ARHGAP8: variants seen among roughly 807,000 people sequenced by gnomAD.
ARHGAP8 encodes Rho GTPase activating protein 8.
In ARHGAP8, 62 loss-of-function variants were observed where a neutral mutation model predicts 46.1. The ratio of observed to expected loss-of-function variants is 1.34; its 90% CI spans 1.10 to 1.66. ARHGAP8 has a LOEUF of 1.66. Among genes scored for constraint, ARHGAP8 ranks in the 40% most tolerant of loss-of-function variants. ARHGAP8 has a pLI of 0.00. For synonymous variants in ARHGAP8, 375 were observed against 243.1 expected, an observed-to-expected ratio of 1.54 and a Z score of -5.05; for missense variants, 923 against 568.4, an observed-to-expected ratio of 1.62 and a Z score of -6.34.
At chr22:44,848,857 G>C (rs200211595) in intron 9 of ARHGAP8, 75 bp from the exon 10 acceptor site, 199 of 1,595,824 alleles carry the variant, frequency 1.2e-4, no homozygotes, top group East Asian at 2.2e-4. Context: ...CACGCCCTGT[G>C]TCTCAGAGCT....
chr22:44,796,228 C>G (rs1928073652), intron 2 of ARHGAP8, among the ~76,000 whole-genome samples: 1 of 152,310 alleles, frequency 6.6e-6, no homozygotes, highest in East Asian at 1.9e-4. Flanking sequence ...GCAGCAAAGC[C>G]ACTGCCCGCC....
chr22:44,822,398 T>C lies in ARHGAP8; in HGVS notation c.414T>C (p.Tyr138=), dbSNP rs150665424. Reference sequence around the variant, plus strand: ...ACAAGTTTGGGAAGAAAGTCATCTATTTCAACTACCTGAGTGAGCTCCACG... The same window carrying C: ...ACAAGTTTGGGAAGAAAGTCATCTACTTCAACTACCTGAGTGAGCTCCACG... The part of the protein sequence containing the change: ...ISHKFGKKVI[Y]FNYLSELHEH... The change falls in exon 6 of 12, where the codon TAT becomes TAC. Residue 138 remains tyrosine (Y), a synonymous_variant. Coordinates refer to ENST00000356099, the MANE Select transcript of ARHGAP8 (RefSeq NM_181335.3). 5.6e-5 allele frequency: 89 copies of C among 1,583,982 alleles called. No individual in the cohort carries two copies. Among genetic ancestry groups the C allele is most frequent in the Non-Finnish European group, 7.5e-5 (88 of 1,170,440 alleles).
chr22:44,796,035 C>T (rs1298646767), intron 2 of ARHGAP8, among the ~76,000 whole-genome samples: 1 of 151,140 alleles, frequency 6.6e-6, no homozygotes, highest in East Asian at 1.9e-4. Flanking sequence ...ACCTGGCTTC[C>T]CAGGGTCAAT....
chr22:44,797,582 C>T (rs1928181789), intron 2 of ARHGAP8, among the ~76,000 whole-genome samples: 1 of 152,178 alleles, frequency 6.6e-6, no homozygotes, highest in Non-Finnish European at 1.5e-5. Flanking sequence ...TCGTAAGGAA[C>T]TGTGAAATGA....
chr22:44,772,876 T>C (rs1926141196), intron 1 of ARHGAP8, among the ~76,000 whole-genome samples: 1 of 149,812 alleles, frequency 6.7e-6, no homozygotes, highest in African/African-American at 2.5e-5. Context: ...GATTGTGCCG[T>C]GGTGCAATCA....
rs756818869 is a variant in ARHGAP8 at position 44,792,792 on chromosome 22, A to AGTGGTGGTGGTG, written c.79+6195_79+6206dup. The stretch of plus-strand genomic sequence containing the variant: ...TTTGTAGAATTTTGACACTAACGAC[A>AGTGGTGGTGGTG]GTGGTGGTGGTGGTGGTGGTTTTTT... On this transcript the variant is annotated intron_variant, in intron 2 of 11. Transcript: ENST00000356099. 2.1e-3 allele frequency among the ~76,000 whole-genome samples: 197 copies of AGTGGTGGTGGTG among 91,950 alleles called. 2 individuals carry two copies. Among genetic ancestry groups the AGTGGTGGTGGTG allele is most frequent in the African/African-American group, 8.6e-3 (186 of 21,666 alleles). The allele number at this position is 91,950 out of a possible 152,430, so 60.3% of individuals were successfully genotyped here.
At chr22:44,809,262 C>T (rs1929170243) in intron 4 of ARHGAP8, 1 of 438,802 alleles carries the variant, frequency 2.3e-6, no homozygotes, top group African/African-American at 2.1e-5. Context: ...TTTCACGTGT[C>T]ATGAAATATT....
intron 10 of ARHGAP8, among the ~76,000 whole-genome samples, chr22:44,856,251 TCC>T (rs894355267): frequency 2.2e-5 from 3 of 133,968 alleles, no homozygotes; most frequent in South Asian, 2.4e-4. Context: ...AGCTATAAAT[TCC>T]CTTTTTTTTT....
In ARHGAP8 at chr22:44,862,332, G is replaced by C. The variant is rs199958233; in HGVS notation, c.1039G>C (p.Gly347Arg). The change falls in exon 12 of 12, where the codon GGG becomes CGG. Residue 347 changes from glycine to arginine, a missense_variant. Gly to Arg is a moderately radical substitution (Grantham distance 125). Coordinates refer to ENST00000356099, the MANE Select transcript of ARHGAP8 (RefSeq NM_181335.3). The stretch of plus-strand genomic sequence containing the variant: ...CAGCTCTAACCTGGCCTGTGTCTTC[G>C]GGCTGAATTTGATCTGGCCATCCCA... ...MNSSNLACVF[G>R]LNLIWPSQGV... 72 of 1,613,738 alleles carry C rather than the reference G, an allele frequency of 4.5e-5. No individual in the cohort carries two copies. Among genetic ancestry groups the C allele is most frequent in the Middle Eastern group, 1.6e-4 (1 of 6,080 alleles).
At chr22:44,841,684 A>C (rs1476079748) in intron 7 of ARHGAP8, among the ~76,000 whole-genome samples, 5 of 152,206 alleles carry the variant, frequency 3.3e-5, no homozygotes, top group Non-Finnish European at 7.3e-5. Context: ...GCCCACCTCC[A>C]TGTACCTGCA....
chr22:44,800,322 T>C, intron 2 of ARHGAP8, among the ~76,000 whole-genome samples: 1 of 151,990 alleles, frequency 6.6e-6, no homozygotes, highest in Non-Finnish European at 1.5e-5. Context: ...GCCAGGCTGG[T>C]CTCGAACTCC....
intron 5 of ARHGAP8, among the ~76,000 whole-genome samples, chr22:44,815,952 G>A (rs1929709368): frequency 6.6e-6 from 1 of 152,174 alleles, no homozygotes; most frequent in African/African-American, 2.4e-5. Flanking sequence ...AGAGCAGGAG[G>A]GCGCAGGTGT....
At position 44,858,533 on chromosome 22, in the gene ARHGAP8, C is replaced by CTTTTTTTTTTTT. The variant is rs10700242; in HGVS notation, c.878-1191_878-1180dup. 4.5e-3 allele frequency among the ~76,000 whole-genome samples: 408 copies of CTTTTTTTTTTTT among 89,734 alleles called. 20 individuals carry two copies. The highest frequency in any genetic ancestry group is 6.4e-3 in the Non-Finnish European group (320 of 49,616). The allele number at this position is 89,734 out of a possible 152,430, so 58.9% of individuals were successfully genotyped here. ...TACAGGTGTGTGCCACCATACCCGG[C>CTTTTTTTTTTTT]TTTTTTTTTTTTTTTTTTAAGTAAC... is the stretch of plus-strand genomic sequence containing the variant. On this transcript the variant is annotated intron_variant, in intron 10 of 11. Transcript: ENST00000356099.
At chr22:44,831,119 CTT>C (rs1248723559) in intron 7 of ARHGAP8, among the ~76,000 whole-genome samples, 2 of 152,300 alleles carry the variant, frequency 1.3e-5, no homozygotes, top group Admixed American at 6.5e-5. Flanking sequence ...TATGTGTTGT[CTT>C]TACACCTTTT....
At chr22:44,846,019 C>T (rs1163390168) in intron 8 of ARHGAP8, among the ~76,000 whole-genome samples, 2 of 152,104 alleles carry the variant, frequency 1.3e-5, no homozygotes, top group African/African-American at 4.8e-5. Flanking sequence ...GTGCCCCCCC[C>T]CATCCCCACC....
chr22:44,784,969 G>T (rs558202283), intron 1 of ARHGAP8, among the ~76,000 whole-genome samples: 1 of 152,090 alleles, frequency 6.6e-6, no homozygotes, highest in South Asian at 2.1e-4. Context: ...CCCATCCCCC[G>T]CCCCATTCCT....
chr22:44,795,986 C>G (rs371764825), intron 2 of ARHGAP8, among the ~76,000 whole-genome samples: 1 of 152,324 alleles, frequency 6.6e-6, no homozygotes, highest in South Asian at 2.1e-4. Flanking sequence ...TGTCTGCAGC[C>G]TCCACTGGCC....
chr22:44,859,879 C>T (rs2070383009), intron 11 of ARHGAP8, 45 bp downstream of exon 11: 3 of 1,600,222 alleles, frequency 1.9e-6, no homozygotes, highest in Admixed American at 1.7e-5. Flanking sequence ...CAGTGGCCTT[C>T]CCTCCCATGC....
Position 44,783,224 on chromosome 22 carries a change from G to A in ARHGAP8, c.-71-3233G>A, listed in dbSNP as rs552110104. Among the ~76,000 whole-genome samples, 8 of 152,254 alleles carry A rather than the reference G, an allele frequency of 5.3e-5. No homozygotes were observed. In the South Asian group the frequency reaches 1.7e-3, roughly 32 times the overall value. On this transcript the variant is annotated intron_variant, in intron 1 of 11. Transcript: ENST00000356099. ...CGTTCAAGGTTCCATGGTCTGGCCT[G>A]GCTCTCCCATAGCCACGCTGACCTT...
Sources: allele counts gnomAD v4.1 joint callset (sites outside exome capture counted in the v4.1 genomes callset), GRCh38; gene constraint gnomAD v4.1.1; transcripts MANE v1.5; gene names NCBI Gene and HGNC (gene_info 2026-07-23, HGNC 2026-07-21).